Variants in ANKRD13B observed in about 807,000 individuals in gnomAD.
ANKRD13B encodes the protein ankyrin repeat domain 13B.
ANKRD13B carries 33 observed loss-of-function variants against 74.4 expected under a neutral mutation model. The ratio of observed to expected loss-of-function variants is 0.44; its 90% confidence interval spans 0.34 to 0.59. ANKRD13B has a LOEUF of 0.59. ANKRD13B is among the 20% of genes least tolerant of loss of function. The probability of loss-of-function intolerance (pLI) is 0.02; values close to 1 mark genes in which losing one functional copy is unlikely to be tolerated. For synonymous variants in ANKRD13B, 341 were observed against 362.9 expected (o/e 0.94, Z 0.68); for missense variants, 676 against 877.9 (o/e 0.77, Z 2.91).
chr17:29,600,015 T>C (rs1197424060), intron 1 of ANKRD13B, among the ~76,000 whole-genome samples: 2 of 151,812 alleles, frequency 1.3e-5, no homozygotes, highest in East Asian at 3.9e-4. Flanking sequence ...TAGCTGTGAC[T>C]ACAGGCGCCC....
Position 29,608,087 on chromosome 17 carries a change from G to A in ANKRD13B, c.352G>A (p.Val118Met), listed in dbSNP as rs373543908. 4.0e-5 allele frequency: 65 copies of A among 1,612,534 alleles called. 2 individuals carry two copies. Among genetic ancestry groups the A allele is most frequent in the South Asian group, 6.6e-5 (6 of 91,018 alleles). The change falls in exon 3 of 15, where the codon GTG becomes ATG. Residue 118 changes from valine to methionine, a missense_variant. Physicochemically the swap from Val to Met is conservative, Grantham distance 21. Around this residue, in one of 4 missense-constraint regions of ANKRD13B, gnomAD observed 328 missense variants for 518.4 expected, o/e 0.63. Transcript: ENST00000394859. This position sits in a 1 kb window ranked among gnomAD's most constrained non-coding sequence, Gnocchi z 6.4. The stretch of plus-strand genomic sequence containing the variant: ...GGTGAAGCGGCTGGCGGGCATCCCC[G>A]TGCTCCTGGAGAAGCTGCGCAAGGT... ...RVVKRLAGIP[V>M]LLEKLRKAQD...
intron 1 of ANKRD13B, among the ~76,000 whole-genome samples, chr17:29,606,453 A>G (rs957949555): frequency 6.6e-6 from 1 of 151,698 alleles, no homozygotes; most frequent in South Asian, 2.1e-4. Context: ...AGCTACTCAG[A>G]AGGCTGAGGC....
intron 1 of ANKRD13B, among the ~76,000 whole-genome samples, chr17:29,594,769 G>T (rs79872689): frequency 6.6e-6 from 1 of 152,130 alleles, no homozygotes; most frequent in Non-Finnish European, 1.5e-5. Context: ...GGTGGTTAGC[G>T]CAGTTGCCCG....
chr17:29,599,804 A>T (rs576837873), intron 1 of ANKRD13B, among the ~76,000 whole-genome samples: 2 of 150,186 alleles, frequency 1.3e-5, no homozygotes, highest in Non-Finnish European at 3.0e-5. Context: ...TTTTCCCCCA[A>T]AGAGTTTTCT....
intron 1 of ANKRD13B, among the ~76,000 whole-genome samples, chr17:29,601,364 G>A (rs2034172502): frequency 6.6e-6 from 1 of 151,916 alleles, no homozygotes; most frequent in Non-Finnish European, 1.5e-5. Flanking sequence ...TGGGATTACA[G>A]GAATCCCCCA....
In ANKRD13B at chr17:29,593,660, G is replaced by T. The variant is rs774415170; in HGVS notation, c.39G>T (p.Glu13Asp). 1.4e-6 allele frequency: 2 copies of T among 1,428,044 alleles called. No homozygotes were observed. The highest frequency in any genetic ancestry group is 1.9e-6 in the Non-Finnish European group (2 of 1,079,736). The allele number at this position is 1,428,044 out of a possible 1,614,324, so 88.5% of individuals were successfully genotyped here. Residue 13 changes from glutamate to aspartate, a missense_variant, in exon 1 of 15, where the codon GAG becomes GAT. Around this residue, in one of 4 missense-constraint regions of ANKRD13B, gnomAD observed 88 missense variants for 87.8 expected, o/e 1.00. Coordinates refer to ENST00000394859, the MANE Select transcript of ANKRD13B (RefSeq NM_152345.5). Reference protein sequence around the residue: ...PANASARKGPEGKYPLHYLVW... With the variant: ...PANASARKGPDGKYPLHYLVW... ...ACGCCTCCGCCAGGAAGGGGCCCGA[G>T]GGCAAGTATCCGCTGCACTACCTCG...
At position 29,612,653 on chromosome 17, in the gene ANKRD13B, C is replaced by T. The variant is rs758541697; in HGVS notation, c.1413C>T (p.Thr471=). The change falls in exon 13 of 15, where the codon ACC becomes ACT. Residue 471 remains threonine, a splice_region_variant and synonymous_variant. Coordinates refer to ENST00000394859, the MANE Select transcript of ANKRD13B (RefSeq NM_152345.5). This position sits in a 1 kb window ranked among gnomAD's most constrained non-coding sequence, Gnocchi z 6.1. ...SSSVSSSSST[T]SCRGCEISPA... is the part of the protein sequence containing the mutation. ...CTGACCCAGCCCCCGCGCCCCCAGC[C>T]TCCTGCCGCGGCTGCGAGATCTCCC... The T allele has an allele frequency of 1.2e-5, 18 of 1,544,990 alleles. No homozygotes were observed. The highest frequency in any genetic ancestry group is 1.5e-5 in the Non-Finnish European group (17 of 1,151,864).
chr17:29,607,775 A>T lies in ANKRD13B; in HGVS notation c.148A>T (p.Thr50Ser), dbSNP rs754838274. 8 of 1,600,992 alleles carry T rather than the reference A, an allele frequency of 5.0e-6. No individual in the cohort carries two copies. In the South Asian group the frequency reaches 7.7e-5, roughly 15 times the overall value. The change falls in exon 2 of 15, where the codon ACT (threonine) becomes TCT (serine). Residue 50 changes from threonine (T) to serine (S), a missense_variant. Coordinates refer to ENST00000394859, the MANE Select transcript of ANKRD13B (RefSeq NM_152345.5). ...CGAGCAGCTGGATCCCCGCGGCCGGACTCCCCTGCACCTGGCCACCACGCT... is the reference window on the plus strand; with the variant it reads ...CGAGCAGCTGGATCCCCGCGGCCGGTCTCCCCTGCACCTGGCCACCACGCT... ...DIEQLDPRGR[T>S]PLHLATTLGH...
Position 29,608,136 on chromosome 17 carries a change from CGG to C in ANKRD13B, c.375+28_375+29del, listed in dbSNP as rs1567792046. The stretch of plus-strand genomic sequence containing the variant: ...GTGAGGCCCAGCCTCTCAGCCTCCA[CGG>C]GAGCCCTTGAGCCCTTCTCCAGTGC... On this transcript the variant is annotated intron_variant, in intron 3 of 14. Coordinates refer to ENST00000394859, the MANE Select transcript of ANKRD13B (RefSeq NM_152345.5). This position sits in a 1 kb window ranked among gnomAD's most constrained non-coding sequence, Gnocchi z 6.4. 7 of 1,613,636 alleles carry C rather than the reference CGG, an allele frequency of 4.3e-6. No homozygotes were observed. Among genetic ancestry groups the C allele is most frequent in the Non-Finnish European group, 5.9e-6 (7 of 1,179,732 alleles).
chr17:29,593,818 T>C, intron 1 of ANKRD13B, 83 bp downstream of exon 1: 1 of 760,028 alleles, frequency 1.3e-6, no homozygotes, highest in Non-Finnish European at 1.8e-6. Context: ...GCGCGGGCTG[T>C]CCCGCCTCCC....
intron 1 of ANKRD13B, among the ~76,000 whole-genome samples, chr17:29,605,774 A>G (rs2034348722): frequency 6.6e-6 from 1 of 151,764 alleles, no homozygotes; most frequent in Non-Finnish European, 1.5e-5. Context: ...CAGCCTTCAT[A>G]TATTTTGCAG....
intron 1 of ANKRD13B, among the ~76,000 whole-genome samples, chr17:29,599,000 C>T (rs1337074722): frequency 6.6e-6 from 1 of 152,180 alleles, no homozygotes; most frequent in Non-Finnish European, 1.5e-5. Context: ...CAGGCAGGGA[C>T]CTGGCTGATG....
At chr17:29,602,827 T>G (rs559355258) in intron 1 of ANKRD13B, among the ~76,000 whole-genome samples, 2 of 152,244 alleles carry the variant, frequency 1.3e-5, no homozygotes, top group Admixed American at 6.5e-5. Flanking sequence ...TTGGAAAAAT[T>G]TTGGACGTTC....
intron 14 of ANKRD13B, 160 bp downstream of exon 14, chr17:29,613,123 A>C: frequency 6.8e-6 from 8 of 1,183,488 alleles, no homozygotes; most frequent in Non-Finnish European, 9.4e-6. Flanking sequence ...GGCAGGGGTC[A>C]GGGATCCAGG....
intron 1 of ANKRD13B, 22 bp downstream of exon 1, chr17:29,593,757 C>A: frequency 7.4e-7 from 1 of 1,352,356 alleles, no homozygotes; most frequent in Non-Finnish European, 9.6e-7. Context: ...TTCGGGGCGC[C>A]GCGGGGACCC....
intron 8 of ANKRD13B, among the ~76,000 whole-genome samples, chr17:29,610,987 CA>C (rs1207293222): frequency 6.6e-6 from 1 of 152,144 alleles, no homozygotes; most frequent in African/African-American, 2.4e-5. Context: ...AGTGGAGAGC[CA>C]TGCTGCAAGT....
intron 1 of ANKRD13B, 77 bp from the exon 2 acceptor site, chr17:29,607,665 C>T: frequency 6.5e-7 from 1 of 1,533,374 alleles, no homozygotes; most frequent in Non-Finnish European, 8.7e-7. Context: ...TTGCTGCCTG[C>T]TCCAGGGCTG....
At chr17:29,606,815 G>C (rs565316441) in intron 1 of ANKRD13B, among the ~76,000 whole-genome samples, 1 of 149,448 alleles carries the variant, frequency 6.7e-6, no homozygotes, top group Admixed American at 6.7e-5. Flanking sequence ...TTGGGAGCCC[G>C]AGCCAGGTGG....
At chr17:29,594,159 G>A (rs1363681074) in intron 1 of ANKRD13B, 2 of 152,736 alleles carry the variant, frequency 1.3e-5, no homozygotes, top group Non-Finnish European at 1.5e-5. Context: ...CACACTCCCA[G>A]GCACCCCAGC....
Sources: allele counts gnomAD v4.1 joint callset (sites outside exome capture counted in the v4.1 genomes callset), GRCh38; gene constraint gnomAD v4.1.1; regional missense constraint gnomAD v4.1.1; non-coding constraint Gnocchi (gnomAD v3.1); transcripts MANE v1.5; gene names NCBI Gene and HGNC (gene_info 2026-07-23, HGNC 2026-07-21).